Variants in SLC39A11 observed in about 807,000 individuals in gnomAD.
The protein encoded by SLC39A11 is solute carrier family 39 member 11, also known as zinc transporter ZIP11.
Under a neutral mutation model 36.1 loss-of-function variants are expected in SLC39A11, and 33 were observed. The ratio of observed to expected loss-of-function variants is 0.91; its 90% CI spans 0.69 to 1.22. The LOEUF (loss-of-function observed/expected upper bound fraction) is 1.22. SLC39A11 is among the 50% of genes most tolerant of loss of function. The probability of loss-of-function intolerance (pLI) is 0.00; values close to 1 mark genes in which losing one functional copy is unlikely to be tolerated. For synonymous variants in SLC39A11, 166 were observed against 170.3 expected, an observed-to-expected ratio of 0.97 and a Z score of 0.20; for missense variants, 432 against 430.3, an observed-to-expected ratio of 1.00 and a Z score of -0.03.
intron 5 of SLC39A11, among the ~76,000 whole-genome samples, chr17:72,884,722 T>G (rs2081367752): frequency 6.6e-6 from 1 of 152,186 alleles, no homozygotes; most frequent in Non-Finnish European, 1.5e-5. Flanking sequence ...AAATATAAAA[T>G]AGGAAATCGC....
At chr17:72,655,952 G>A (rs914169802) in intron 7 of SLC39A11, among the ~76,000 whole-genome samples, 3 of 152,092 alleles carry the variant, frequency 2.0e-5, no homozygotes, top group African/African-American at 4.8e-5. Flanking sequence ...CGGGGGGCTG[G>A]TGGCGTGGAG....
chr17:72,754,986 G>C (rs2075314734), intron 6 of SLC39A11, among the ~76,000 whole-genome samples: 1 of 152,186 alleles, frequency 6.6e-6, no homozygotes, highest in South Asian at 2.1e-4. Flanking sequence ...TGAAACACTA[G>C]ACCATCCTTA....
intron 5 of SLC39A11, among the ~76,000 whole-genome samples, chr17:72,879,762 A>C (rs2081099877): frequency 6.6e-6 from 1 of 152,206 alleles, no homozygotes; most frequent in African/African-American, 2.4e-5. Flanking sequence ...GTTTCTATAG[A>C]TAAATCTCTC....
intron 7 of SLC39A11, among the ~76,000 whole-genome samples, chr17:72,671,773 A>G (rs1292448022): frequency 6.6e-6 from 1 of 152,246 alleles, no homozygotes; most frequent in Admixed American, 6.5e-5. Context: ...TAAGTAAATC[A>G]TAAGACAAAT....
chr17:72,819,329 G>T (rs2077690738), intron 6 of SLC39A11, among the ~76,000 whole-genome samples: 1 of 151,310 alleles, frequency 6.6e-6, no homozygotes, highest in Non-Finnish European at 1.5e-5. Flanking sequence ...CCCTGGAACA[G>T]ATCCTTCCCT....
In SLC39A11 at chr17:72,873,109, G is replaced by T. The variant is rs73358753; in HGVS notation, c.431-23305C>A. Among the ~76,000 whole-genome samples, 319 of 150,876 alleles carry T rather than the reference G, an allele frequency of 2.1e-3. 1 individual carries two copies. The highest frequency in any genetic ancestry group is 7.6e-3 in the African/African-American group (314 of 41,134). On this transcript the variant is annotated intron_variant, in intron 5 of 9. Transcript: ENST00000255559. ...ATTATGGTTCAGGACTCATATAGCT[G>T]GAGGTTACAAGATCTATAACCTCCC...
At chr17:72,913,575 G>A (rs551936823) in intron 5 of SLC39A11, among the ~76,000 whole-genome samples, 1 of 152,242 alleles carries the variant, frequency 6.6e-6, no homozygotes, top group Admixed American at 6.5e-5. Context: ...GTAGGGGGTA[G>A]GGGGAGAGAG....
At chr17:72,754,415 C>A (rs2075290938) in intron 6 of SLC39A11, among the ~76,000 whole-genome samples, 1 of 152,054 alleles carries the variant, frequency 6.6e-6, no homozygotes, top group African/African-American at 2.4e-5. Flanking sequence ...TGTAACCAAA[C>A]ACCGTCGCTT....
intron 4 of SLC39A11, among the ~76,000 whole-genome samples, chr17:72,950,877 G>A (rs866612775): frequency 3.9e-5 from 6 of 152,030 alleles, no homozygotes; most frequent in African/African-American, 1.4e-4. Flanking sequence ...GTCATAACTG[G>A]GGGGCTGAGC....
chr17:72,828,798 T>C lies in SLC39A11; in HGVS notation c.601+20836A>G, dbSNP rs144659971. Among the ~76,000 whole-genome samples, 479 of 152,254 alleles carry C rather than the reference T, an allele frequency of 3.1e-3. 1 individual carries two copies. Among genetic ancestry groups the C allele is most frequent in the Non-Finnish European group, 5.7e-3 (385 of 68,012 alleles). On this transcript the variant is annotated intron_variant, in intron 6 of 9. Coordinates refer to ENST00000255559, the MANE Select transcript of SLC39A11 (RefSeq NM_139177.4). ...GCTGGAGCAGGACCTGTGCTGTCACTGCTCTCTGACACCGCTCCACTGTCT... is the reference window on the plus strand; with the variant it reads ...GCTGGAGCAGGACCTGTGCTGTCACCGCTCTCTGACACCGCTCCACTGTCT...
rs1491123331 is a variant in SLC39A11, at chr17:72,852,228, A to AAAAAAAAAAAAAAAC, written c.431-2425_431-2424insGTTTTTTTTTTTTTT. On this transcript the variant is annotated intron_variant, in intron 5 of 9. Transcript: ENST00000255559. ...TCAAAAAAAAAAAAAAAAAAAAAAAACAGAAAGAAAGAAAGAAAATCATTT... is the reference window on the plus strand; with the variant it reads ...TCAAAAAAAAAAAAAAAAAAAAAAAAAAAAAAAAAAAAAACCAGAAAGAAAGAAAGAAAATCATTT... Among the ~76,000 whole-genome samples the AAAAAAAAAAAAAAAC allele has an allele frequency of 2.1e-3, 286 of 134,744 alleles. 4 individuals carry two copies. Among genetic ancestry groups the AAAAAAAAAAAAAAAC allele is most frequent in the Non-Finnish European group, 3.9e-3 (240 of 61,502 alleles). 88.4% of individuals were successfully genotyped at this position (134,744 alleles called of 152,430 possible). A position where few individuals can be genotyped will look rare whatever the true frequency, so the allele number is the denominator to read the frequency against.
intron 4 of SLC39A11, among the ~76,000 whole-genome samples, chr17:72,991,990 CT>C (rs903055048): frequency 1.4e-4 from 21 of 152,340 alleles, no homozygotes; most frequent in Non-Finnish European, 2.2e-4. Context: ...TCAAAAATCT[CT>C]TTTGTCAATA....
chr17:72,853,176 A>G (rs1598114729), intron 5 of SLC39A11, among the ~76,000 whole-genome samples: 1 of 147,202 alleles, frequency 6.8e-6, no homozygotes, highest in Non-Finnish European at 1.5e-5. Context: ...CACCATGGCC[A>G]GCTAACTTTT....
At chr17:72,777,226 C>T (rs779659090) in intron 6 of SLC39A11, among the ~76,000 whole-genome samples, 1 of 152,148 alleles carries the variant, frequency 6.6e-6, no homozygotes, top group Non-Finnish European at 1.5e-5. Context: ...GCATTATGAT[C>T]ATAGCTTCAG....
chr17:73,008,024 A>G (rs1330917278), intron 4 of SLC39A11, among the ~76,000 whole-genome samples: 1 of 151,850 alleles, frequency 6.6e-6, no homozygotes, highest in Non-Finnish European at 1.5e-5. Flanking sequence ...AATCACTTGA[A>G]CCTAGGAGGT....
chr17:72,767,152 G>T (rs1411151547), intron 6 of SLC39A11, among the ~76,000 whole-genome samples: 1 of 152,238 alleles, frequency 6.6e-6, no homozygotes, highest in Non-Finnish European at 1.5e-5. Context: ...ACCTTTGACT[G>T]TTGAGCTGCT....
chr17:72,790,352 T>C (rs1342061622), intron 6 of SLC39A11, among the ~76,000 whole-genome samples: 1 of 152,114 alleles, frequency 6.6e-6, no homozygotes, highest in Non-Finnish European at 1.5e-5. Context: ...GGTGAGGAAG[T>C]AGGCAGTGCT....
chr17:73,013,256 T>A (rs1321005650), intron 4 of SLC39A11, among the ~76,000 whole-genome samples: 2 of 151,934 alleles, frequency 1.3e-5, no homozygotes, highest in African/African-American at 4.8e-5. Context: ...CCTAGCTAAT[T>A]TTTGTATCTT....
chr17:72,740,419 C>T (rs549218898), intron 6 of SLC39A11, among the ~76,000 whole-genome samples: 6 of 152,110 alleles, frequency 3.9e-5, no homozygotes, highest in Middle Eastern at 3.4e-3. Context: ...TTTACAGTGC[C>T]GTACTGTATT....
Sources: gnomAD v4.1 joint callset for allele counts (sites outside exome capture counted in the v4.1 genomes callset) on GRCh38, gnomAD v4.1.1 for gene constraint, MANE v1.5 for transcripts, NCBI Gene and HGNC (gene_info 2026-07-23, HGNC 2026-07-21) for gene names.